Variants in SRPK2 observed in about 807,000 individuals in gnomAD.
The protein encoded by SRPK2 is SRSF protein kinase 2, also known as SFRS protein kinase 2.
SRPK2 carries 21 observed loss-of-function variants against 90.8 expected under a neutral mutation model. That is an observed-to-expected ratio of 0.23 (90% CI 0.16 to 0.33). SRPK2 has a LOEUF of 0.33. Ranked by LOEUF, SRPK2 falls within the 10% of genes least tolerant of loss-of-function variation. SRPK2 has a pLI of 1.00. For missense variants in SRPK2, 620 were observed against 869.0 expected (o/e 0.71, Z 3.60); for synonymous variants, 288 against 311.1 (o/e 0.93, Z 0.78).
chr7:105,360,921 C>A (rs558911458), intron 2 of SRPK2, among the ~76,000 whole-genome samples: 1 of 152,258 alleles, frequency 6.6e-6, no homozygotes, highest in Admixed American at 6.5e-5. Context: ...TGGCACAAGA[C>A]AAGGATGTCC....
At chr7:105,286,162 A>G (rs1808078461) in intron 2 of SRPK2, among the ~76,000 whole-genome samples, 2 of 152,200 alleles carry the variant, frequency 1.3e-5, no homozygotes, top group African/African-American at 4.8e-5. Context: ...TTTGGGTTCT[A>G]AGCCACTATG....
intron 3 of SRPK2, among the ~76,000 whole-genome samples, chr7:105,180,157 G>A (rs1377062457): frequency 1.3e-5 from 2 of 152,128 alleles, no homozygotes; most frequent in Non-Finnish European, 2.9e-5. Flanking sequence ...GAAGAATCAC[G>A]TTACCTGATG....
At chr7:105,349,185 G>T (rs1281581954) in intron 2 of SRPK2, among the ~76,000 whole-genome samples, 1 of 133,062 alleles carries the variant, frequency 7.5e-6, no homozygotes, top group East Asian at 2.6e-4. Context: ...GGAGGGGAGG[G>T]GATGGAGGGG....
chr7:105,124,657 A>AAAAAAAAAAAAAC, intron 15 of SRPK2, among the ~76,000 whole-genome samples: 1 of 150,306 alleles, frequency 6.7e-6, no homozygotes, highest in Non-Finnish European at 1.5e-5. Flanking sequence ...AAAAAAAAAA[A>AAAAAAAAAAAAAC]AATCAATGTG....
intron 2 of SRPK2, among the ~76,000 whole-genome samples, chr7:105,365,418 G>A (rs910697669): frequency 4.7e-5 from 7 of 149,630 alleles, no homozygotes; most frequent in South Asian, 4.2e-4. Flanking sequence ...CCCAGGAGGC[G>A]GAGATTGCAG....
At chr7:105,209,481 T>C (rs1472694584) in intron 2 of SRPK2, among the ~76,000 whole-genome samples, 1 of 151,560 alleles carries the variant, frequency 6.6e-6, no homozygotes, top group Non-Finnish European at 1.5e-5. Context: ...GAGTCTGCAA[T>C]GAGCTAAGAT....
intron 3 of SRPK2, among the ~76,000 whole-genome samples, chr7:105,175,260 C>T (rs2129592903): frequency 6.6e-6 from 1 of 151,262 alleles, no homozygotes; most frequent in South Asian, 2.1e-4. Context: ...AACTAAGTAA[C>T]ACAATTCAAA....
chr7:105,395,358 C>A (rs1473219790), intron 1 of SRPK2, among the ~76,000 whole-genome samples: 1 of 151,262 alleles, frequency 6.6e-6, no homozygotes, highest in Non-Finnish European at 1.5e-5. Flanking sequence ...AAAAAAAAAA[C>A]TGAAAGCAAA....
intron 2 of SRPK2, among the ~76,000 whole-genome samples, chr7:105,246,782 T>G (rs978416303): frequency 2.0e-5 from 3 of 152,264 alleles, no homozygotes; most frequent in African/African-American, 7.2e-5. Flanking sequence ...CAATCAACTA[T>G]AAATTTTAAC....
intron 2 of SRPK2, among the ~76,000 whole-genome samples, chr7:105,248,171 A>C (rs1355157115): frequency 6.6e-6 from 1 of 152,120 alleles, no homozygotes; most frequent in East Asian, 1.9e-4. Context: ...CAATCTTTTA[A>C]ATCATCTCCG....
intron 2 of SRPK2, chr7:105,306,496 C>T (rs1811157783): frequency 2.2e-6 from 1 of 454,168 alleles, no homozygotes; most frequent in South Asian, 1.6e-5. Flanking sequence ...AAAAAAAAAC[C>T]AACACTTCCT....
intron 3 of SRPK2, among the ~76,000 whole-genome samples, chr7:105,171,431 C>G (rs1324202582): frequency 1.3e-5 from 2 of 152,042 alleles, no homozygotes; most frequent in African/African-American, 4.8e-5. Flanking sequence ...ATTTTTCATT[C>G]TTTTAACATT....
downstream of SRPK2, among the ~76,000 whole-genome samples, chr7:105,115,999 G>A (rs1405018038): frequency 1.3e-5 from 2 of 152,152 alleles, no homozygotes; most frequent in Non-Finnish European, 2.9e-5. Flanking sequence ...ATTAATGAAT[G>A]ATCCATTCTA....
At chr7:105,302,739 G>A (rs1810698821) in intron 2 of SRPK2, among the ~76,000 whole-genome samples, 1 of 152,106 alleles carries the variant, frequency 6.6e-6, no homozygotes, top group Admixed American at 6.6e-5. Flanking sequence ...GGTGGAACAG[G>A]AGAATATAAA....
At chr7:105,291,001 G>A (rs1303502633) in intron 2 of SRPK2, among the ~76,000 whole-genome samples, 1 of 143,868 alleles carries the variant, frequency 7.0e-6, no homozygotes, top group Admixed American at 7.1e-5. Context: ...TTGCGCCACT[G>A]CAGTCCGCAG....
At chr7:105,280,446 A>C (rs1175216744) in intron 2 of SRPK2, among the ~76,000 whole-genome samples, 1 of 151,820 alleles carries the variant, frequency 6.6e-6, no homozygotes, top group African/African-American at 2.4e-5. Flanking sequence ...GTCAAAAATT[A>C]AGATGTTATT....
rs112342815 is a variant in SRPK2, at chr7:105,311,390, G to A, written c.71+77258C>T. 2.0e-5 allele frequency among the ~76,000 whole-genome samples: 3 copies of A among 152,122 alleles called. No homozygotes were observed. The East Asian group carries it at 5.8e-4, about 29-fold the overall frequency. ...TGGGACTAGTGGCACCTGCCACCACGCCTAGCTAACTTTTTGTATTTTTAG... is the reference window on the plus strand; with the variant it reads ...TGGGACTAGTGGCACCTGCCACCACACCTAGCTAACTTTTTGTATTTTTAG... On this transcript the variant is annotated intron_variant, in intron 2 of 15. Transcript: ENST00000393651.
At chr7:105,364,310 T>G (rs1183768803) in intron 2 of SRPK2, among the ~76,000 whole-genome samples, 1 of 152,116 alleles carries the variant, frequency 6.6e-6, no homozygotes, top group Non-Finnish European at 1.5e-5. Flanking sequence ...AACAATGGTA[T>G]CTTCAGTGGT....
rs148611885 is a variant in SRPK2 at position 105,277,741 on chromosome 7, C to T, written c.72-73956G>A. Reference sequence around the variant, plus strand: ...AACTGAACATTCAAAAAACTATCCCCAATTATCACTAACTTTTATCCCCAC... The same window carrying T: ...AACTGAACATTCAAAAAACTATCCCTAATTATCACTAACTTTTATCCCCAC... On this transcript the variant is annotated intron_variant, in intron 2 of 15. Coordinates refer to ENST00000393651, the MANE Select transcript of SRPK2 (RefSeq NM_182692.3). Among the ~76,000 whole-genome samples the T allele has an allele frequency of 1.3e-4, 20 of 152,272 alleles. No individual in the cohort carries two copies. The East Asian group carries it at 3.5e-3, about 26-fold the overall frequency.
Sources: gnomAD v4.1 joint callset for allele counts (sites outside exome capture counted in the v4.1 genomes callset) on GRCh38, gnomAD v4.1.1 for gene constraint, MANE v1.5 for transcripts, NCBI Gene and HGNC (gene_info 2026-07-23, HGNC 2026-07-21) for gene names.